The following EML6 variants were observed in gnomAD, a reference collection of about 807,000 sequenced individuals.
EML6 encodes EMAP like 6.
In EML6, 154 loss-of-function variants were observed where a neutral mutation model predicts 240.1. The observed-to-expected ratio is 0.64, with a 90% CI of 0.56 to 0.73. The LOEUF is 0.73. Ranked by LOEUF, EML6 falls within the 30% of genes least tolerant of loss-of-function variation. The pLI, the probability that EML6 is intolerant of heterozygous loss-of-function variation, is 0.00. For synonymous variants in EML6, 1,148 were observed against 899.0 expected (o/e 1.28, Z -4.95); for missense variants, 2,964 against 2,474.6 (o/e 1.20, Z -4.20).
intron 17 of EML6, among the ~76,000 whole-genome samples, chr2:54,887,028 A>T (rs1672184770): frequency 6.6e-6 from 1 of 152,220 alleles, no homozygotes; most frequent in African/African-American, 2.4e-5. Flanking sequence ...TATTCCCATT[A>T]TCTGGCAATT....
intron 2 of EML6, among the ~76,000 whole-genome samples, chr2:54,758,423 T>C (rs776753638): frequency 5.9e-5 from 9 of 152,222 alleles, no homozygotes; most frequent in Non-Finnish European, 1.3e-4. Flanking sequence ...TTTCTCTTAT[T>C]TCTGGACCTC....
intron 3 of EML6, among the ~76,000 whole-genome samples, chr2:54,815,892 A>G (rs1419319972): frequency 6.6e-6 from 1 of 152,186 alleles, no homozygotes; most frequent in Non-Finnish European, 1.5e-5. Context: ...CTTGGGGAAT[A>G]CCATATTTTT....
At chr2:54,928,151 AG>A (rs1218287879) in intron 26 of EML6, among the ~76,000 whole-genome samples, 161 bp from the exon 27 acceptor site, 1 of 152,238 alleles carries the variant, frequency 6.6e-6, no homozygotes, top group East Asian at 1.9e-4. Flanking sequence ...TGAAGAAAAA[AG>A]AGACCTAGTG....
chr2:54,817,385 G>C (rs1474037648), intron 4 of EML6, among the ~76,000 whole-genome samples: 6 of 152,270 alleles, frequency 3.9e-5, no homozygotes, highest in African/African-American at 9.6e-5. Context: ...GGGGATGAAG[G>C]GGGTATATAC....
At chr2:54,855,435 A>G (rs1670320802) in intron 11 of EML6, among the ~76,000 whole-genome samples, 2 of 149,648 alleles carry the variant, frequency 1.3e-5, no homozygotes, top group South Asian at 4.3e-4. Flanking sequence ...ATTCACCCCC[A>G]TAATCCAGTT....
intron 2 of EML6, among the ~76,000 whole-genome samples, chr2:54,744,459 A>G (rs1243632897): frequency 6.6e-6 from 1 of 152,168 alleles, no homozygotes; most frequent in South Asian, 2.1e-4. Context: ...GAAAGATGTT[A>G]GTGACTGTGA....
At chr2:54,812,716 G>A (rs532591244) in intron 2 of EML6, among the ~76,000 whole-genome samples, 1 of 152,186 alleles carries the variant, frequency 6.6e-6, no homozygotes, top group East Asian at 1.9e-4. Context: ...CTTAAAATTT[G>A]TAATCTATAG....
At chr2:54,832,140 C>A (rs1055248638) in intron 7 of EML6, among the ~76,000 whole-genome samples, 1 of 152,166 alleles carries the variant, frequency 6.6e-6, no homozygotes, top group African/African-American at 2.4e-5. Flanking sequence ...AGTGAAAAAA[C>A]AATGTACATG....
chr2:54,812,562 C>T (rs771787489), intron 2 of EML6, among the ~76,000 whole-genome samples: 27 of 151,796 alleles, frequency 1.8e-4, no homozygotes, highest in Admixed American at 6.6e-5. Context: ...TACTTCTCAA[C>T]GGCTACTGAC....
chr2:54,908,287 G>A (rs1673454736), intron 24 of EML6, among the ~76,000 whole-genome samples: 1 of 149,364 alleles, frequency 6.7e-6, no homozygotes, highest in African/African-American at 2.5e-5. Context: ...TCAGATCACT[G>A]CAATCTGTGC....
intron 11 of EML6, among the ~76,000 whole-genome samples, chr2:54,856,943 G>T (rs1437940359): frequency 1.3e-5 from 2 of 152,178 alleles, no homozygotes; most frequent in African/African-American, 4.8e-5. Context: ...GATACAGAAA[G>T]GTTGGTCGGG....
In EML6 at chr2:54,970,139, C is replaced by G; in HGVS notation, c.*44C>G. ...TGTTATTGCTGCTGCTGCTACCAGCCAGCAACTGCAGAGGCCATGCTGAGG... is the reference window on the plus strand; with the variant it reads ...TGTTATTGCTGCTGCTGCTACCAGCGAGCAACTGCAGAGGCCATGCTGAGG... On this transcript the variant is annotated 3_prime_UTR_variant, in exon 42 of 42. Coordinates refer to ENST00000356458, the MANE Select transcript of EML6 (RefSeq NM_001039753.4). The G allele has an allele frequency of 6.5e-7, 1 of 1,547,742 alleles. No homozygotes were observed. The highest frequency in any genetic ancestry group is 8.7e-7 in the Non-Finnish European group (1 of 1,143,490).
At chr2:54,788,259 C>T (rs1057363258) in intron 2 of EML6, among the ~76,000 whole-genome samples, 2 of 152,196 alleles carry the variant, frequency 1.3e-5, no homozygotes, top group Non-Finnish European at 2.9e-5. Flanking sequence ...AGGCGGGCTG[C>T]CCTCTTCTCT....
intron 30 of EML6, among the ~76,000 whole-genome samples, chr2:54,952,215 C>G (rs767098626): frequency 3.3e-5 from 5 of 152,106 alleles, no homozygotes; most frequent in African/African-American, 4.8e-5. Flanking sequence ...CTACTTCTGC[C>G]CAGATGTGGA....
intron 13 of EML6, among the ~76,000 whole-genome samples, chr2:54,865,793 T>C (rs1215959909): frequency 6.6e-6 from 1 of 152,250 alleles, no homozygotes; most frequent in East Asian, 1.9e-4. Context: ...TTCACCGATA[T>C]TTGATTTACA....
intron 6 of EML6, 122 bp downstream of exon 6, chr2:54,827,873 C>T (rs1433940564): frequency 3.0e-6 from 2 of 657,662 alleles, no homozygotes; most frequent in East Asian, 5.5e-5. Flanking sequence ...ACTCCCTACT[C>T]ATGATAATTT....
chr2:54,829,296 A>G, intron 6 of EML6, 46 bp from the exon 7 acceptor site: 2 of 1,531,814 alleles, frequency 1.3e-6, no homozygotes, highest in Non-Finnish European at 1.8e-6. Flanking sequence ...TATTCATTAT[A>G]CTTAGGATGG....
chr2:54,874,153 A>G (rs1402845214), intron 16 of EML6, among the ~76,000 whole-genome samples: 1 of 152,252 alleles, frequency 6.6e-6, no homozygotes, highest in Non-Finnish European at 1.5e-5. Flanking sequence ...CAGATCAAAG[A>G]CATTAACTAT....
chr2:54,961,184 G>GTTGTTTTTTTTTTTTTGTTTTGTTTTTTT, intron 35 of EML6, among the ~76,000 whole-genome samples: 1 of 55,416 alleles, frequency 1.8e-5, no homozygotes, highest in Non-Finnish European at 3.2e-5. Context: ...TCAGGAAGTA[G>GTTGTTTTTTTTTTTTTGTTTTGTTTTTTT]TTTTTTTTTT....
Sources: allele counts gnomAD v4.1 joint callset (sites outside exome capture counted in the v4.1 genomes callset), GRCh38; gene constraint gnomAD v4.1.1; transcripts MANE v1.5; gene names NCBI Gene and HGNC (gene_info 2026-07-23, HGNC 2026-07-21).